Variants in GBP1 observed in about 807,000 individuals in gnomAD.
The protein encoded by GBP1 is guanylate-binding protein 1.
In GBP1, 64 loss-of-function variants were observed where a neutral mutation model predicts 69.5. The ratio of observed to expected loss-of-function variants is 0.92; its 90% confidence interval spans 0.75 to 1.13. The LOEUF (loss-of-function observed/expected upper bound fraction) is 1.13. Among genes scored for constraint, GBP1 ranks in the 50% most tolerant of loss-of-function variants. GBP1 has a pLI of 0.00. For synonymous variants in GBP1, 250 were observed against 261.2 expected (o/e 0.96, Z 0.41); for missense variants, 630 against 704.1 (o/e 0.89, Z 1.19).
chr1:89,061,196 T>A (rs1418335484), intron 2 of GBP1, among the ~76,000 whole-genome samples: 1 of 152,156 alleles, frequency 6.6e-6, no homozygotes, highest in Non-Finnish European at 1.5e-5. Flanking sequence ...ATAAATTTCA[T>A]ATGAAATTTC....
At position 89,053,361 on chromosome 1, in the gene GBP1, T is replaced by TA; in HGVS notation, c.1772dup (p.Ser592LysfsTer15). ...GACAGGAAGGCTCTGGTCTTTAGCT[T>TA]ATGGTACATGCCTTTCGTCGTCTCA... On this transcript the variant is annotated frameshift_variant, in exon 11 of 11. Coordinates refer to ENST00000370473, the MANE Select transcript of GBP1 (RefSeq NM_002053.3). LOFTEE classifies it high-confidence loss of function. 1 of 1,612,670 alleles carries TA rather than the reference T, an allele frequency of 6.2e-7. No homozygotes were observed. The highest frequency in any genetic ancestry group is 2.2e-5 in the East Asian group (1 of 44,860).
At chr1:89,059,579 G>C (rs1346386079) in intron 3 of GBP1, among the ~76,000 whole-genome samples, 153 bp from the exon 4 acceptor site, 1 of 137,558 alleles carries the variant, frequency 7.3e-6, no homozygotes, top group Non-Finnish European at 1.5e-5. Context: ...ATTAAAGGAA[G>C]ACAAATACAA....
intron 5 of GBP1, 151 bp downstream of exon 5, chr1:89,058,690 A>C: frequency 2.7e-6 from 2 of 730,284 alleles, no homozygotes; most frequent in South Asian, 3.7e-5. Context: ...AACATCTATT[A>C]ATTTGGATAT....
Position 89,058,860 on chromosome 1 carries a change from G to A in GBP1, c.612C>T (p.Tyr204=), listed in dbSNP as rs1294759871. 15 of 1,614,174 alleles carry A rather than the reference G, an allele frequency of 9.3e-6. No individual in the cohort carries two copies. Among genetic ancestry groups the A allele is most frequent in the Non-Finnish European group, 1.2e-5 (14 of 1,180,004 alleles). The change falls in exon 5 of 11, where the codon TAC becomes TAT. Residue 204 remains tyrosine (Y), a synonymous_variant. Coordinates refer to ENST00000370473, the MANE Select transcript of GBP1 (RefSeq NM_002053.3). ...QPLTPDEYLT[Y]SLKLKKGTSQ... is the part of the protein sequence containing the mutation. Reference sequence around the variant, plus strand: ...TGTTACCTTTCTTCAGCTTCAGGGAGTATGTCAGGTACTCATCTGGTGTGA... The same window carrying A: ...TGTTACCTTTCTTCAGCTTCAGGGAATATGTCAGGTACTCATCTGGTGTGA...
chr1:89,057,836 G>A (rs533160398), intron 6 of GBP1, among the ~76,000 whole-genome samples, 156 bp downstream of exon 6: 46 of 152,348 alleles, frequency 3.0e-4, no homozygotes, highest in African/African-American at 1.1e-3. Flanking sequence ...GACTGGAAAT[G>A]TGACTAACAA....
At chr1:89,055,976 G>A (rs780233882) in intron 8 of GBP1, 40 bp downstream of exon 8, 2 of 1,612,966 alleles carry the variant, frequency 1.2e-6, no homozygotes, top group Non-Finnish European at 1.7e-6. Flanking sequence ...TAGGAGGCAG[G>A]TCAGCAGCTT....
At position 89,053,378 on chromosome 1, in the gene GBP1, G is replaced by C; in HGVS notation, c.1756C>G (p.Arg586Gly). ...IQDLQTKMRRRKACTIS is the reference protein window; with the variant it reads ...IQDLQTKMRRGKACTIS ...CTTTAGCTTATGGTACATGCCTTTC[G>C]TCGTCTCATTTTCGTCTGGAGATCC... The change falls in exon 11 of 11, where the codon CGA becomes GGA. Residue 586 changes from arginine to glycine, a missense_variant. This residue lies in a region of GBP1 where 71 missense variants were observed against 72.7 expected (regional missense o/e 0.98). Transcript: ENST00000370473. The C allele has an allele frequency of 6.2e-7, 1 of 1,613,292 alleles. No individual in the cohort carries two copies. Among genetic ancestry groups the C allele is most frequent in the East Asian group, 2.2e-5 (1 of 44,850 alleles).
Position 89,058,011 on chromosome 1 carries a change from G to A in GBP1, c.855C>T (p.Gly285=). 1 of 1,612,902 alleles carries A rather than the reference G, an allele frequency of 6.2e-7. No homozygotes were observed. The highest frequency in any genetic ancestry group is 1.1e-5 in the South Asian group (1 of 91,022). Residue 285 remains glycine (G), a synonymous_variant, in exon 6 of 11, where the codon GGC becomes GGT. Transcript: ENST00000370473. ...ACTTACGAGGCCCGTTGACCTGGAT[G>A]CCTCCTGAAAGAGTTTTAGTTTTGG... ...SNSKTKTLSG[G]IQVNGPRLES... is the part of the protein sequence containing the mutation.
intron 6 of GBP1, 69 bp from the exon 7 acceptor site, chr1:89,057,203 C>G: frequency 6.3e-7 from 1 of 1,587,098 alleles, no homozygotes; most frequent in Non-Finnish European, 8.6e-7. Context: ...TAATTCTGAG[C>G]ATGTCAAATA....
rs892800683 is a variant in GBP1, at chr1:89,054,664, G to C, written c.1665+18C>G. On this transcript the variant is annotated intron_variant, in intron 10 of 10. Coordinates refer to ENST00000370473, the MANE Select transcript of GBP1 (RefSeq NM_002053.3). Reference sequence around the variant, plus strand: ...GAAAACAGAAAAACAGAAACCTCAAGGTGATGCAATTAGATACCTGAAGTT... The same window carrying C: ...GAAAACAGAAAAACAGAAACCTCAACGTGATGCAATTAGATACCTGAAGTT... The C allele has an allele frequency of 6.2e-7, 1 of 1,606,002 alleles. No individual in the cohort carries two copies. The highest frequency in any genetic ancestry group is 1.3e-5 in the African/African-American group (1 of 74,642).
chr1:89,055,382 C>T lies in GBP1; in HGVS notation c.1369-167G>A, dbSNP rs528683325. ...CGACAGACACATGCTCCTGGCAAGCCGATCAGAACATCCTACTTAGCAGTC... is the reference window on the plus strand; with the variant it reads ...CGACAGACACATGCTCCTGGCAAGCTGATCAGAACATCCTACTTAGCAGTC... On this transcript the variant is annotated intron_variant, in intron 8 of 10. Transcript: ENST00000370473. 96 of 1,148,212 alleles carry T rather than the reference C, an allele frequency of 8.4e-5. No homozygotes were observed. The East Asian group carries it at 1.7e-3, about 20-fold the overall frequency. The allele number at this position is 1,148,212 out of a possible 1,614,324, so 71.1% of individuals were successfully genotyped here.
In GBP1 at chr1:89,058,156, A is replaced by G. The variant is rs754068486; in HGVS notation, c.710T>C (p.Val237Ala). ...RKFFPKKKCF[V>A]FDRPVHRRKL... is the part of the protein sequence containing the mutation. Reference sequence around the variant, plus strand: ...CCTGCGGTGAACGGGCCGATCAAAGACAAAGCATTTTTTCTTTGGGAAGAA... The same window carrying G: ...CCTGCGGTGAACGGGCCGATCAAAGGCAAAGCATTTTTTCTTTGGGAAGAA... Residue 237 changes from valine to alanine, a missense_variant, in exon 6 of 11, where the codon GTC (valine) becomes GCC (alanine). Val to Ala is a moderately conservative substitution (Grantham distance 64). Around this residue, in one of 5 missense-constraint regions of GBP1, gnomAD observed 367 missense variants for 369.5 expected, o/e 0.99. Transcript: ENST00000370473. 13 of 1,614,086 alleles carry G rather than the reference A, an allele frequency of 8.1e-6. No individual in the cohort carries two copies. Among genetic ancestry groups the G allele is most frequent in the Non-Finnish European group, 9.3e-6 (11 of 1,179,962 alleles).
chr1:89,061,760 T>C (rs752242682), intron 2 of GBP1, among the ~76,000 whole-genome samples: 11 of 152,118 alleles, frequency 7.2e-5, no homozygotes, highest in Non-Finnish European at 1.2e-4. Flanking sequence ...TAAACATGTA[T>C]ATGATAAGGG....
chr1:89,055,361 A>C (rs1680018352), intron 8 of GBP1, 146 bp from the exon 9 acceptor site: 4 of 1,374,180 alleles, frequency 2.9e-6, no homozygotes, highest in Admixed American at 2.7e-5. Flanking sequence ...TCGGAGCGAC[A>C]GACACATGCT....
Position 89,057,040 on chromosome 1 carries a change from C to A in GBP1, c.969G>T (p.Glu323Asp). Residue 323 changes from glutamate to aspartate, a missense_variant, in exon 7 of 11, where the codon GAG becomes GAT. Around this residue, in one of 5 missense-constraint regions of GBP1, gnomAD observed 367 missense variants for 369.5 expected, o/e 0.99. Coordinates refer to ENST00000370473, the MANE Select transcript of GBP1 (RefSeq NM_002053.3). The part of the protein sequence containing the change: ...ENAVLALAQI[E>D]NSAAVQKAIA... ...TAGCCTTTTGCACTGCAGCTGAGTTCTCTATCTGGGCCAAGGCCAGGACTG... is the reference window on the plus strand; with the variant it reads ...TAGCCTTTTGCACTGCAGCTGAGTTATCTATCTGGGCCAAGGCCAGGACTG... The A allele has an allele frequency of 6.2e-7, 1 of 1,614,206 alleles. No homozygotes were observed. Among genetic ancestry groups the A allele is most frequent in the Non-Finnish European group, 8.5e-7 (1 of 1,180,022 alleles).
intron 10 of GBP1, 98 bp downstream of exon 10, chr1:89,054,584 C>T (rs1230958141): frequency 9.0e-7 from 1 of 1,110,240 alleles, no homozygotes; most frequent in African/African-American, 1.6e-5. Flanking sequence ...GGGTCCTTAC[C>T]CTGGGCTTCA....
intron 1 of GBP1, 40 bp from the exon 2 acceptor site, chr1:89,063,293 T>C: frequency 6.4e-7 from 1 of 1,566,782 alleles, no homozygotes; most frequent in Non-Finnish European, 8.7e-7. Context: ...ATTTCTAGTG[T>C]TTTGCAATTA....
intron 2 of GBP1, chr1:89,062,630 C>T (rs529144292): frequency 9.6e-5 from 16 of 165,990 alleles, no homozygotes; most frequent in East Asian, 1.7e-4. Flanking sequence ...AAAATGGTTA[C>T]GAGGTTAAAT....
intron 8 of GBP1, 138 bp from the exon 9 acceptor site, chr1:89,055,353 G>A (rs1240586769): frequency 1.3e-5 from 19 of 1,430,410 alleles, no homozygotes; most frequent in African/African-American, 5.8e-5. Flanking sequence ...ATTCCCTGTC[G>A]GAGCGACAGA....
Sources: allele counts gnomAD v4.1 joint callset (sites outside exome capture counted in the v4.1 genomes callset), GRCh38; gene constraint gnomAD v4.1.1; regional missense constraint gnomAD v4.1.1; transcripts MANE v1.5; gene names NCBI Gene and HGNC (gene_info 2026-07-23, HGNC 2026-07-21).